Variants in EZH2 observed in about 807,000 individuals in gnomAD.
EZH2 encodes histone-lysine N-methyltransferase EZH2.
Under a neutral mutation model 98.4 loss-of-function variants are expected in EZH2, and 18 were observed. That is an observed-to-expected ratio of 0.18 (90% CI 0.13 to 0.27). The LOEUF (loss-of-function observed/expected upper bound fraction) is 0.27, where lower values mean the gene tolerates loss of function less well. Ranked by LOEUF, EZH2 falls within the 10% of genes least tolerant of loss-of-function variation. EZH2 has a pLI of 1.00. For missense variants in EZH2, 470 were observed against 935.1 expected (o/e 0.50, Z 6.49); for synonymous variants, 338 against 312.3 (o/e 1.08, Z -0.87).
rs115098122 is a variant in EZH2 at position 148,815,850 on chromosome 7, G to A, written c.1506-304C>T. ...TCTGCCTGTTGATTTATTCTGATGT[G>A]GATGACACTGATCACTTCCTCTTAT... On this transcript the variant is annotated intron_variant, in intron 12 of 19. Coordinates refer to ENST00000320356, the MANE Select transcript of EZH2 (RefSeq NM_004456.5). Among the ~76,000 whole-genome samples, 539 of 152,264 alleles carry A rather than the reference G, an allele frequency of 3.5e-3. 2 individuals are homozygous for A. The highest frequency in any genetic ancestry group is 0.012 in the African/African-American group (504 of 41,536).
chr7:148,850,027 C>CTT (rs1245274765), intron 1 of EZH2, among the ~76,000 whole-genome samples: 2 of 151,150 alleles, frequency 1.3e-5, no homozygotes, highest in Non-Finnish European at 3.0e-5. Context: ...ATTACAATTT[C>CTT]TTTTTTTTTG....
intron 1 of EZH2, among the ~76,000 whole-genome samples, chr7:148,864,161 T>G (rs1818101023): frequency 6.6e-6 from 1 of 152,214 alleles, no homozygotes; most frequent in South Asian, 2.1e-4. Flanking sequence ...AGTGATATAT[T>G]TTCCACAACA....
chr7:148,882,446 C>T (rs1473345813), intron 1 of EZH2, among the ~76,000 whole-genome samples: 1 of 152,168 alleles, frequency 6.6e-6, no homozygotes. Flanking sequence ...GAACAAGACG[C>T]TTTATATCTA....
chr7:148,844,189 A>C (rs1304811324), intron 3 of EZH2, among the ~76,000 whole-genome samples: 2 of 152,198 alleles, frequency 1.3e-5, no homozygotes, highest in African/African-American at 2.4e-5. Flanking sequence ...TCAGACTAGA[A>C]TCTTTCAAAT....
chr7:148,833,436 G>A (rs1406631523), intron 3 of EZH2, among the ~76,000 whole-genome samples: 3 of 148,036 alleles, frequency 2.0e-5, no homozygotes, highest in Non-Finnish European at 4.5e-5. Flanking sequence ...CAGCCTGGGC[G>A]ACAGAGCGAA....
intron 18 of EZH2, 43 bp from the exon 19 acceptor site, chr7:148,809,198 C>A (rs1024833223): frequency 2.5e-6 from 4 of 1,596,024 alleles, no homozygotes; most frequent in Non-Finnish European, 3.4e-6. Flanking sequence ...GAAGACGGGC[C>A]ACGGGGGGTT....
chr7:148,807,594 T>G lies in EZH2; in HGVS notation c.*52A>C. 1 of 1,446,934 alleles carries G rather than the reference T, an allele frequency of 6.9e-7. No homozygotes were observed. The highest frequency in any genetic ancestry group is 1.2e-5 in the South Asian group (1 of 82,694). 89.6% of individuals were successfully genotyped at this position (1,446,934 alleles called of 1,614,324 possible). On this transcript the variant is annotated 3_prime_UTR_variant, in exon 20 of 20. Coordinates refer to ENST00000320356, the MANE Select transcript of EZH2 (RefSeq NM_004456.5). ...TCTAAATTGCCCACAGTACTCGAGGTTCCTGAAGCTAAGGCAGCTGTTTCA... is the reference window on the plus strand; with the variant it reads ...TCTAAATTGCCCACAGTACTCGAGGGTCCTGAAGCTAAGGCAGCTGTTTCA...
At chr7:148,849,757 T>G (rs1209568533) in intron 1 of EZH2, among the ~76,000 whole-genome samples, 2 of 152,232 alleles carry the variant, frequency 1.3e-5, no homozygotes, top group Non-Finnish European at 2.9e-5. Context: ...GTTTTCTTCC[T>G]ATCTGCTAGT....
intron 1 of EZH2, among the ~76,000 whole-genome samples, chr7:148,851,895 A>G (rs914203301): frequency 1.2e-4 from 19 of 152,224 alleles, no homozygotes; most frequent in African/African-American, 4.6e-4. Flanking sequence ...AATAAAATAC[A>G]GCTCTAAATA....
intron 1 of EZH2, among the ~76,000 whole-genome samples, chr7:148,880,028 G>A (rs1820745186): frequency 1.3e-5 from 2 of 152,240 alleles, no homozygotes; most frequent in Admixed American, 6.5e-5. Context: ...AGGATCCCTT[G>A]AGCCCAGGAG....
In EZH2 at chr7:148,827,242, T is replaced by G; in HGVS notation, c.650A>C (p.Lys217Thr). Residue 217 changes from lysine (K) to threonine (T), a missense_variant, in exon 7 of 20, where the codon AAA becomes ACA. Around this residue, in one of 6 missense-constraint regions of EZH2, gnomAD observed 69 missense variants for 78.3 expected, o/e 0.88. Transcript: ENST00000320356. ...TTCAAAAATTTTATCAGAAGGAAAT[T>G]TCCGAGGTGGGCGGCTTTCTTTATC... is the stretch of plus-strand genomic sequence containing the variant. Reference protein sequence around the residue: ...RDDKESRPPRKFPSDKIFEAI... With the variant: ...RDDKESRPPRTFPSDKIFEAI... 6.2e-7 allele frequency: 1 copy of G among 1,613,838 alleles called. No homozygotes were observed. Among genetic ancestry groups the G allele is most frequent in the Non-Finnish European group, 8.5e-7 (1 of 1,179,882 alleles).
At chr7:148,829,393 A>G (rs892960343) in intron 5 of EZH2, among the ~76,000 whole-genome samples, 5 of 152,164 alleles carry the variant, frequency 3.3e-5, no homozygotes, top group African/African-American at 1.2e-4. Context: ...TATGCCACAG[A>G]AGCAGAGCCC....
chr7:148,827,563 T>G (rs1433498061), intron 6 of EZH2, among the ~76,000 whole-genome samples: 4 of 152,194 alleles, frequency 2.6e-5, no homozygotes, highest in Non-Finnish European at 4.4e-5. Context: ...ACTTTACCTC[T>G]TGGGTCTGTT....
intron 1 of EZH2, among the ~76,000 whole-genome samples, chr7:148,871,577 C>CTTTTTTTTTTTTTT (rs376098406): frequency 3.3e-4 from 45 of 135,236 alleles, no homozygotes; most frequent in African/African-American, 1.1e-3. Flanking sequence ...AGTGTATTTT[C>CTTTTTTTTTTTTTT]TTTTTTTTTT....
chr7:148,848,260 GA>G (rs1263872595), intron 1 of EZH2, among the ~76,000 whole-genome samples: 25 of 152,300 alleles, frequency 1.6e-4, no homozygotes, highest in African/African-American at 6.0e-4. Context: ...GGGAGTGAAA[GA>G]ATAACTGCAA....
chr7:148,836,201 C>CGT (rs1810887996), intron 3 of EZH2, among the ~76,000 whole-genome samples: 1 of 152,180 alleles, frequency 6.6e-6, no homozygotes, highest in East Asian at 1.9e-4. Flanking sequence ...GAACAGACTA[C>CGT]ACTTGATGAT....
At chr7:148,811,490 A>G (rs1803079165) in intron 16 of EZH2, 135 bp downstream of exon 16, 1 of 667,574 alleles carries the variant, frequency 1.5e-6, no homozygotes. Flanking sequence ...AAACATGCAG[A>G]AGTCCAGGCT....
chr7:148,859,308 C>T (rs374398015), intron 1 of EZH2, among the ~76,000 whole-genome samples: 1 of 152,110 alleles, frequency 6.6e-6, no homozygotes, highest in East Asian at 1.9e-4. Flanking sequence ...GAGTTCAAGA[C>T]CAGCCTGGCC....
Position 148,839,941 on chromosome 7 carries a change from C to A in EZH2, c.246+6529G>T, listed in dbSNP as rs532188877. ...ATCCAACACTGTAACAGCCAATTCA[C>A]AAATATAAACAAACAGTAACTGACA... On this transcript the variant is annotated intron_variant, in intron 3 of 19. Transcript: ENST00000320356. Among the ~76,000 whole-genome samples the A allele has an allele frequency of 5.1e-3, 773 of 152,274 alleles. 11 individuals are homozygous for A. Among genetic ancestry groups the A allele is most frequent in the African/African-American group, 0.017 (704 of 41,548 alleles).
Sources: allele counts gnomAD v4.1 joint callset (sites outside exome capture counted in the v4.1 genomes callset), GRCh38; gene constraint gnomAD v4.1.1; regional missense constraint gnomAD v4.1.1; transcripts MANE v1.5; gene names NCBI Gene and HGNC (gene_info 2026-07-23, HGNC 2026-07-21).